Variants in MTRF1 observed in about 807,000 individuals in gnomAD.
MTRF1 encodes the protein peptide chain release factor 1, mitochondrial.
MTRF1 carries 51 observed loss-of-function variants against 62.9 expected under a neutral mutation model. That is an observed-to-expected ratio of 0.81 (90% CI 0.65 to 1.02). MTRF1 has a LOEUF of 1.02. MTRF1 is among the 50% of genes least tolerant of loss of function. The pLI, the probability that MTRF1 is intolerant of heterozygous loss-of-function variation, is 0.00. For missense variants in MTRF1, 446 were observed against 530.0 expected, an observed-to-expected ratio of 0.84 and a Z score of 1.56; for synonymous variants, 158 against 181.9, an observed-to-expected ratio of 0.87 and a Z score of 1.06.
intron 5 of MTRF1, 41 bp downstream of exon 5, chr13:41,252,604 T>C (rs758013274): frequency 2.7e-6 from 4 of 1,479,376 alleles, no homozygotes; most frequent in Non-Finnish European, 2.8e-6. Context: ...GGTAAAATAA[T>C]TTTCAGTATC....
chr13:41,220,138 G>A lies in MTRF1; in HGVS notation c.1225-2910C>T, dbSNP rs1233378046. The stretch of plus-strand genomic sequence containing the variant: ...AGGCCAGGAGTTCGAGACTAGCCTG[G>A]CCAACATGGTGAAACTCCTTCTCTA... On this transcript the variant is annotated intron_variant, in intron 9 of 9. Coordinates refer to ENST00000379480, the MANE Select transcript of MTRF1 (RefSeq NM_004294.4). Among the ~76,000 whole-genome samples, 8 of 151,562 alleles carry A rather than the reference G, an allele frequency of 5.3e-5. No homozygotes were observed. The East Asian group carries it at 1.6e-3, about 29-fold the overall frequency.
At chr13:41,231,475 G>A (rs1248459633) in intron 7 of MTRF1, among the ~76,000 whole-genome samples, 1 of 152,184 alleles carries the variant, frequency 6.6e-6, no homozygotes. Flanking sequence ...GAAGACAAGA[G>A]GATTAAGTAA....
chr13:41,274,416 T>C, the MTRF1 span, among the ~76,000 whole-genome samples: 4 of 152,162 alleles, frequency 2.6e-5, no homozygotes, highest in African/African-American at 4.8e-5. Context: ...GGTAAAGTTA[T>C]GACCCTTGTA....
rs75439496 is a variant in MTRF1 at position 41,226,912 on chromosome 13, G to A, written c.989-344C>T. Among the ~76,000 whole-genome samples, 621 of 152,210 alleles carry A rather than the reference G, an allele frequency of 4.1e-3. 9 individuals are homozygous for A. Among genetic ancestry groups the A allele is most frequent in the East Asian group, 0.033 (171 of 5,176 alleles). On this transcript the variant is annotated intron_variant, in intron 7 of 9. Transcript: ENST00000379480. ...AAACTACTGCTACTCCCTATACTGC[G>A]CTGCTCCATTCTCTGTCCAACTCAA...
At position 41,225,209 on chromosome 13, in the gene MTRF1, C is replaced by CAAA. The variant is rs11461910; in HGVS notation, c.1125+1220_1125+1222dup. ...CCTGGGTGACAGAGAGAATCTGTCT[C>CAAA]AAAAAAAAAAAAAAAAAAACTTTGT... is the stretch of plus-strand genomic sequence containing the variant. On this transcript the variant is annotated intron_variant, in intron 8 of 9. Transcript: ENST00000379480. Among the ~76,000 whole-genome samples, 115 of 115,948 alleles carry CAAA rather than the reference C, an allele frequency of 9.9e-4. 3 individuals carry two copies. Among genetic ancestry groups the CAAA allele is most frequent in the Middle Eastern group, 4.6e-3 (1 of 218 alleles). The allele number at this position is 115,948 out of a possible 152,430, so 76.1% of individuals were successfully genotyped here.
chr13:41,279,522 T>A, the MTRF1 span, among the ~76,000 whole-genome samples: 2 of 152,212 alleles, frequency 1.3e-5, no homozygotes, highest in African/African-American at 4.8e-5. Context: ...TCCTGAGGAC[T>A]AAGCTCTGAT....
intron 5 of MTRF1, among the ~76,000 whole-genome samples, chr13:41,242,331 C>G (rs1241128545): frequency 6.6e-6 from 1 of 152,130 alleles, no homozygotes; most frequent in Non-Finnish European, 1.5e-5. Flanking sequence ...CTGACATGCC[C>G]CATTTGTATG....
intron 6 of MTRF1, chr13:41,235,340 A>C (rs777025465): frequency 6.6e-6 from 1 of 152,214 alleles, no homozygotes; most frequent in Non-Finnish European, 1.5e-5. Flanking sequence ...AGAATCTACT[A>C]AATTAGTGTT....
chr13:41,297,961 C>T, the MTRF1 span, among the ~76,000 whole-genome samples: 3 of 152,130 alleles, frequency 2.0e-5, no homozygotes, highest in Admixed American at 2.0e-4. Context: ...TTAATAGAAT[C>T]GGATTTCAAA....
Position 41,249,619 on chromosome 13 carries a change from C to CTTTTTTTTTT in MTRF1, c.697+3016_697+3025dup, listed in dbSNP as rs1166204914. Among the ~76,000 whole-genome samples the CTTTTTTTTTT allele has an allele frequency of 1.1e-3, 67 of 61,540 alleles. 3 individuals carry two copies. The highest frequency in any genetic ancestry group is 1.6e-3 in the African/African-American group (22 of 13,962). The allele number at this position is 61,540 out of a possible 152,430, so 40.4% of individuals were successfully genotyped here. ...TATTCTTAGTCTTTGATTTTTTTTT[C>CTTTTTTTTTT]TTTTTTTTTTTTTTTTTTTTTTTTT... On this transcript the variant is annotated intron_variant, in intron 5 of 9. Coordinates refer to ENST00000379480, the MANE Select transcript of MTRF1 (RefSeq NM_004294.4).
Position 41,240,337 on chromosome 13 carries a change from T to C in MTRF1, c.794A>G (p.Glu265Gly). Residue 265 changes from glutamate (E) to glycine (G), a missense_variant, in exon 6 of 10, where the codon GAG becomes GGG. Glu to Gly is a moderately conservative substitution (Grantham distance 98, BLOSUM62 -2). Transcript: ENST00000379480. ...GGIHRVQRIP[E>G]VGLSSRMQRI... ...CTGCATCCTTGAGGACAGGCCCACC[T>C]CGGGGATGCGCTGAACTCGGTGAAT... The C allele has an allele frequency of 1.2e-6, 2 of 1,614,002 alleles. No individual in the cohort carries two copies. Among genetic ancestry groups the C allele is most frequent in the Non-Finnish European group, 1.7e-6 (2 of 1,179,952 alleles).
At chr13:41,236,089 T>TTTTTG (rs1158802829) in intron 6 of MTRF1, 17 of 144,580 alleles carry the variant, frequency 1.2e-4, no homozygotes, top group Non-Finnish European at 2.3e-4. Flanking sequence ...TTAACAAATA[T>TTTTTG]TTTTGTTTTG....
chr13:41,240,596 C>T (rs1198485234), intron 5 of MTRF1, among the ~76,000 whole-genome samples, 163 bp from the exon 6 acceptor site: 1 of 152,028 alleles, frequency 6.6e-6, no homozygotes, highest in Non-Finnish European at 1.5e-5. Context: ...GAAAAGAGGA[C>T]ATAAAGTATG....
chr13:41,283,772 G>T, the MTRF1 span, among the ~76,000 whole-genome samples: 136 of 151,280 alleles, frequency 9.0e-4, no homozygotes, highest in African/African-American at 3.2e-3. Context: ...TGTATTTTTA[G>T]TAGAGACGGG....
At chr13:41,292,580 CAA>C in the MTRF1 span, among the ~76,000 whole-genome samples, 111 of 61,240 alleles carry the variant, frequency 1.8e-3, no homozygotes, top group African/African-American at 5.7e-3. Context: ...GATTCTGTCT[CAA>C]AAAAAAAAAA....
intron 9 of MTRF1, among the ~76,000 whole-genome samples, chr13:41,222,879 T>C (rs997115918): frequency 2.6e-5 from 4 of 152,250 alleles, no homozygotes; most frequent in Non-Finnish European, 5.9e-5. Context: ...CCTAGATTTC[T>C]GACCTACAGA....
chr13:41,221,425 G>T (rs9532746), intron 9 of MTRF1, among the ~76,000 whole-genome samples: 108,070 of 152,008 alleles, frequency 0.71, 38,691 homozygotes, highest in African/African-American at 0.72. Flanking sequence ...CCCAAAGTGC[G>T]GGGATTACAG....
the MTRF1 span, among the ~76,000 whole-genome samples, chr13:41,272,684 G>T: frequency 5.9e-5 from 9 of 152,244 alleles, no homozygotes; most frequent in East Asian, 1.5e-3. Context: ...ATGGGTCTCA[G>T]GCTAAAGACT....
At position 41,248,941 on chromosome 13, in the gene MTRF1, T is replaced by C. The variant is rs183164513; in HGVS notation, c.697+3704A>G. ...TTCCATAGACTATCTTGTTATCATTTAGTTTGAACTATTTCTGAAATGGTT... is the reference window on the plus strand; with the variant it reads ...TTCCATAGACTATCTTGTTATCATTCAGTTTGAACTATTTCTGAAATGGTT... On this transcript the variant is annotated intron_variant, in intron 5 of 9. Transcript: ENST00000379480. 1.1e-4 allele frequency among the ~76,000 whole-genome samples: 17 copies of C among 152,336 alleles called. No homozygotes were observed. In the East Asian group the frequency reaches 2.9e-3, roughly 26 times the overall value.
Sources: gnomAD v4.1 joint callset for allele counts (sites outside exome capture counted in the v4.1 genomes callset) on GRCh38, gnomAD v4.1.1 for gene constraint, MANE v1.5 for transcripts, NCBI Gene and HGNC (gene_info 2026-07-23, HGNC 2026-07-21) for gene names.